Variants in CACNA1C observed in about 807,000 individuals in gnomAD.
CACNA1C encodes voltage-dependent L-type calcium channel subunit alpha-1C.
CACNA1C carries 30 observed loss-of-function variants against 229.0 expected under a neutral mutation model. The observed-to-expected ratio is 0.13, with a 90% CI of 0.10 to 0.18. CACNA1C has a LOEUF of 0.18. Ranked by LOEUF, CACNA1C falls within the 10% of genes least tolerant of loss-of-function variation. The pLI is 1.00. For synonymous variants in CACNA1C, 1,114 were observed against 1,132.5 expected (o/e 0.98, Z 0.33); for missense variants, 1,658 against 2,845.0 (o/e 0.58, Z 9.49).
chr12:2,052,956 G>T (rs1333027674), upstream of CACNA1C: 2 of 978,990 alleles, frequency 2.0e-6, no homozygotes, highest in African/African-American at 3.5e-5. Context: ...TGGGCCGGGG[G>T]GAGTGAGCGC....
intron 3 of CACNA1C, among the ~76,000 whole-genome samples, chr12:2,298,813 C>T (rs527794448): frequency 6.6e-6 from 1 of 152,292 alleles, no homozygotes; most frequent in African/African-American, 2.4e-5. Context: ...CCACAGTGGA[C>T]CCATCGAGGG....
intron 3 of CACNA1C, among the ~76,000 whole-genome samples, chr12:2,248,076 G>A (rs763531368): frequency 1.5e-4 from 23 of 152,158 alleles, no homozygotes; most frequent in Admixed American, 8.5e-4. Context: ...ATATGTGTGT[G>A]TGTGTTCATT....
At chr12:2,209,159 G>A (rs1400492250) in intron 3 of CACNA1C, among the ~76,000 whole-genome samples, 3 of 152,192 alleles carry the variant, frequency 2.0e-5, no homozygotes, top group East Asian at 1.9e-4. Context: ...AAGACGCAGC[G>A]AGTCACACAG....
intron 9 of CACNA1C, among the ~76,000 whole-genome samples, chr12:2,536,495 G>C (rs1452264327): frequency 6.6e-6 from 1 of 152,154 alleles, no homozygotes; most frequent in Non-Finnish European, 1.5e-5. Context: ...CTCTGGACAA[G>C]CTGATGACCC....
At chr12:2,640,343 C>T (rs1221774450) in intron 30 of CACNA1C, among the ~76,000 whole-genome samples, 1 of 152,218 alleles carries the variant, frequency 6.6e-6, no homozygotes. Flanking sequence ...GTGGCTCCTG[C>T]ACTCCTCATT....
intron 1 of CACNA1C, among the ~76,000 whole-genome samples, chr12:2,077,275 T>C (rs531273277): frequency 1.2e-4 from 18 of 152,386 alleles, no homozygotes; most frequent in African/African-American, 3.1e-4. Context: ...GACTTTGCAA[T>C]TGATTGCACA....
intron 3 of CACNA1C, among the ~76,000 whole-genome samples, chr12:2,200,186 G>A (rs558604760): frequency 1.8e-4 from 27 of 152,258 alleles, no homozygotes; most frequent in South Asian, 4.2e-4. Context: ...CAACACTCAG[G>A]AGTTTCACTG....
intron 3 of CACNA1C, among the ~76,000 whole-genome samples, chr12:2,427,809 G>A (rs1219354325): frequency 3.3e-5 from 5 of 152,004 alleles, no homozygotes; most frequent in African/African-American, 7.2e-5. Flanking sequence ...TAGTAGAGAC[G>A]GAGTTTTACC....
chr12:2,668,766 G>T, intron 37 of CACNA1C, 167 bp from the exon 38 acceptor site: 1 of 611,260 alleles, frequency 1.6e-6, no homozygotes. Flanking sequence ...TCCACCCCAT[G>T]ATGCAATCAC....
chr12:2,575,150 C>G lies in CACNA1C; in HGVS notation c.1896-6440C>G, dbSNP rs937982751. Among the ~76,000 whole-genome samples, 1 of 152,210 alleles carries G rather than the reference C, an allele frequency of 6.6e-6. No individual in the cohort carries two copies. Among genetic ancestry groups the G allele is most frequent in the African/African-American group, 2.4e-5 (1 of 41,454 alleles). ...CTTAATGTGACCGAGACATCTGCTG[C>G]AAACAGAGAAGACAAGACCTTTGAA... On this transcript the variant is annotated intron_variant, in intron 13 of 46. Transcript: ENST00000399655. This position sits in a 1 kb window ranked among gnomAD's most constrained non-coding sequence, Gnocchi z 4.0.
rs1037095051 is a variant in CACNA1C at position 2,655,259 on chromosome 12, G to A, written c.4232+21G>A. ...TTCAGGTGGGTCCCTGAAGACATAG[G>A]TGCACAGATACACACACACCTGCAT... is the stretch of plus-strand genomic sequence containing the variant. On this transcript the variant is annotated intron_variant, in intron 34 of 46. Coordinates refer to ENST00000399655, the MANE Select transcript of CACNA1C (RefSeq NM_000719.7). The A allele has an allele frequency of 5.5e-6, 8 of 1,454,916 alleles. No homozygotes were observed. In the South Asian group the frequency reaches 6.9e-5, roughly 13 times the overall value. 90.1% of individuals were successfully genotyped at this position (1,454,916 alleles called of 1,614,324 possible).
chr12:2,004,487 C>T lies in CACNA1C; in HGVS notation c.139+33286C>T, dbSNP rs573897218. The stretch of plus-strand genomic sequence containing the variant: ...CTCTTGGAAGCCACTCTCAATAGAT[C>T]GCAGAACGAGCGAGCTGCCTCGCAA... On this transcript the variant is annotated intron_variant, in intron 1 of 46. Coordinates refer to the CACNA1C transcript ENST00000682462. 2.0e-6 allele frequency: 3 copies of T among 1,538,178 alleles called. No individual in the cohort carries two copies. The South Asian group carries it at 3.7e-5, about 19-fold the overall frequency.
upstream of CACNA1C, among the ~76,000 whole-genome samples, chr12:2,051,366 T>A (rs1033686670): frequency 2.6e-5 from 4 of 152,252 alleles, no homozygotes; most frequent in African/African-American, 9.6e-5. Context: ...TACTCAGCCA[T>A]TCCTGTAGGT....
chr12:2,599,973 AGAGGACAGAGTT>A (rs2071076250), intron 21 of CACNA1C, among the ~76,000 whole-genome samples: 1 of 152,336 alleles, frequency 6.6e-6, no homozygotes, highest in South Asian at 2.1e-4. Context: ...GCCCAAAACC[AGAGGACAGAGTT>A]GGCACTCTGA....
At chr12:2,434,119 G>A (rs1401198184) in intron 3 of CACNA1C, among the ~76,000 whole-genome samples, 3 of 152,204 alleles carry the variant, frequency 2.0e-5, no homozygotes, top group East Asian at 3.9e-4. Flanking sequence ...TCCTGCACCC[G>A]CTCCCTCTGT....
chr12:2,481,072 C>A (rs1438868512), intron 5 of CACNA1C, among the ~76,000 whole-genome samples: 3 of 152,236 alleles, frequency 2.0e-5, no homozygotes, highest in Admixed American at 1.3e-4. Flanking sequence ...CTTCCAGCCC[C>A]AGGAAGTTCT....
In CACNA1C at chr12:2,292,132, G is replaced by A. The variant is rs939305042; in HGVS notation, c.478-156844G>A. On this transcript the variant is annotated intron_variant, in intron 3 of 46. Coordinates refer to ENST00000399655, the MANE Select transcript of CACNA1C (RefSeq NM_000719.7). ...GAAGCACTACTAAGTGCCAGGCCTTGTGCTGGCTCCCGGGGAGGCAAAGAA... is the reference window on the plus strand; with the variant it reads ...GAAGCACTACTAAGTGCCAGGCCTTATGCTGGCTCCCGGGGAGGCAAAGAA... Among the ~76,000 whole-genome samples the A allele has an allele frequency of 2.0e-5, 3 of 152,240 alleles. No individual in the cohort carries two copies. In the East Asian group the frequency reaches 5.8e-4, roughly 29 times the overall value.
chr12:2,573,074 G>A (rs557289166), intron 13 of CACNA1C, among the ~76,000 whole-genome samples: 2 of 150,592 alleles, frequency 1.3e-5, no homozygotes, highest in African/African-American at 4.9e-5. Flanking sequence ...TTTCAAGACA[G>A]GATCTCACTC....
chr12:2,117,270 C>CAAATAAATAAAT (rs111273230), intron 2 of CACNA1C, among the ~76,000 whole-genome samples: 3 of 152,092 alleles, frequency 2.0e-5, no homozygotes, highest in African/African-American at 7.2e-5. Context: ...AACTCTGTCT[C>CAAATAAATAAAT]AAATAAATAA....
Sources: gnomAD v4.1 joint callset for allele counts (sites outside exome capture counted in the v4.1 genomes callset) on GRCh38, gnomAD v4.1.1 for gene constraint, Gnocchi (gnomAD v3.1) non-coding constraint, MANE v1.5 for transcripts, NCBI Gene and HGNC (gene_info 2026-07-23, HGNC 2026-07-21) for gene names.